SVEP1: variants seen among roughly 807,000 people sequenced by gnomAD.
SVEP1 encodes sushi, von Willebrand factor type A, EGF and pentraxin domain-containing protein 1.
In SVEP1, 164 loss-of-function variants were observed where a neutral mutation model predicts 367.3. That is an observed-to-expected ratio of 0.45 (90% CI 0.39 to 0.51). The LOEUF (loss-of-function observed/expected upper bound fraction) is 0.51, where lower values mean the gene tolerates loss of function less well. Ranked by LOEUF, SVEP1 falls within the 20% of genes least tolerant of loss-of-function variation. SVEP1 has a pLI of 0.00. For synonymous variants in SVEP1, 1,666 were observed against 1,611.6 expected, an observed-to-expected ratio of 1.03 and a Z score of -0.81; for missense variants, 4,117 against 4,425.3, an observed-to-expected ratio of 0.93 and a Z score of 1.98.
rs1828037257 is a variant in SVEP1 at position 110,411,110 on chromosome 9, G to T, written c.6601C>A (p.Pro2201Thr). 1 of 1,609,584 alleles carries T rather than the reference G, an allele frequency of 6.2e-7. No individual in the cohort carries two copies. The highest frequency in any genetic ancestry group is 1.3e-5 in the African/African-American group (1 of 74,816). Residue 2201 changes from proline (P) to threonine (T), a missense_variant, in exon 37 of 48, where the codon CCG becomes ACG. Physicochemically the swap from Pro to Thr is conservative, Grantham distance 38. Around this residue, in one of 4 missense-constraint regions of SVEP1, gnomAD observed 1,765 missense variants for 1,781.1 expected, o/e 0.99. Transcript: ENST00000374469. ...QWSSPIPTCH[P>T]VSCGEPPKVE... ...TTAGGTGGTTCACCACAAGATACCGGGTGGCACGTCGGTATAGGACTACTC... is the reference window on the plus strand; with the variant it reads ...TTAGGTGGTTCACCACAAGATACCGTGTGGCACGTCGGTATAGGACTACTC...
At chr9:110,402,294 G>A (rs1374974155) in intron 39 of SVEP1, among the ~76,000 whole-genome samples, 3 of 151,738 alleles carry the variant, frequency 2.0e-5, no homozygotes, top group Non-Finnish European at 4.4e-5. Context: ...TAAGAGTTTT[G>A]TAACTCTGTG....
chr9:110,569,021 A>T (rs1367544497), intron 1 of SVEP1, among the ~76,000 whole-genome samples: 1 of 152,096 alleles, frequency 6.6e-6, no homozygotes, highest in African/African-American at 2.4e-5. Context: ...ATACCCCAAG[A>T]GGTTGAGGCT....
Position 110,431,979 on chromosome 9 carries a change from G to A in SVEP1, c.5289C>T (p.Asn1763=), listed in dbSNP as rs550195956. Reference sequence around the variant, plus strand: ...ATGAACATATGTAGGATCCATCTACGTTCAGGCAAGAAGCATGCTCACTAC... The same window carrying A: ...ATGAACATATGTAGGATCCATCTACATTCAGGCAAGAAGCATGCTCACTAC... ...SDCSEHASCL[N]VDGSYICSCV... The change falls in exon 32 of 48, where the codon AAC becomes AAT. Residue 1763 remains asparagine, a synonymous_variant. Coordinates refer to ENST00000374469, the MANE Select transcript of SVEP1 (RefSeq NM_153366.4). 183 of 1,613,468 alleles carry A rather than the reference G, an allele frequency of 1.1e-4. No individual in the cohort carries two copies. Among genetic ancestry groups the A allele is most frequent in the South Asian group, 1.4e-4 (13 of 91,008 alleles).
Position 110,532,434 on chromosome 9 carries a change from C to T in SVEP1, c.964+13681G>A, listed in dbSNP as rs540258258. On this transcript the variant is annotated intron_variant, in intron 3 of 47. Coordinates refer to ENST00000374469, the MANE Select transcript of SVEP1 (RefSeq NM_153366.4). ...GAAGGACTAGTAAGAAATGAACGGACACACAAGGCATGAGGGTATTCTAGG... is the reference window on the plus strand; with the variant it reads ...GAAGGACTAGTAAGAAATGAACGGATACACAAGGCATGAGGGTATTCTAGG... Among the ~76,000 whole-genome samples the T allele has an allele frequency of 2.6e-4, 39 of 152,132 alleles. No individual in the cohort carries two copies. In the South Asian group the frequency reaches 7.9e-3, roughly 31 times the overall value.
At chr9:110,546,043 T>C (rs1037532492) in intron 3 of SVEP1, 72 bp downstream of exon 3, 2 of 1,501,314 alleles carry the variant, frequency 1.3e-6, no homozygotes, top group African/African-American at 2.8e-5. Flanking sequence ...ATGTATTCCT[T>C]ATAGCCATTG....
intron 18 of SVEP1, among the ~76,000 whole-genome samples, chr9:110,464,601 T>C (rs1340264452): frequency 6.6e-6 from 1 of 152,134 alleles, no homozygotes; most frequent in Non-Finnish European, 1.5e-5. Flanking sequence ...GCAGTGATAG[T>C]AGGAAGTGTG....
intron 30 of SVEP1, among the ~76,000 whole-genome samples, chr9:110,433,612 C>T (rs1828388046): frequency 6.6e-6 from 1 of 151,796 alleles, no homozygotes; most frequent in African/African-American, 2.4e-5. Flanking sequence ...GCTGGAATTA[C>T]TGGCACACAC....
chr9:110,444,667 C>T (rs1440716970), intron 26 of SVEP1, among the ~76,000 whole-genome samples: 1 of 152,098 alleles, frequency 6.6e-6, no homozygotes, highest in Non-Finnish European at 1.5e-5. Context: ...GAAAAAGAAA[C>T]GATTAGAGAA....
chr9:110,519,487 A>C (rs1829851135), intron 3 of SVEP1, among the ~76,000 whole-genome samples: 1 of 152,094 alleles, frequency 6.6e-6, no homozygotes, highest in Non-Finnish European at 1.5e-5. Flanking sequence ...TCTTCAGACA[A>C]ATTTTGTTGC....
At position 110,424,001 on chromosome 9, in the gene SVEP1, G is replaced by A. The variant is rs367985444; in HGVS notation, c.5975+3590C>T. On this transcript the variant is annotated intron_variant, in intron 36 of 47. Transcript: ENST00000374469. ...AGAATCAACTGTGATAAACACTATTGTAGGCAAAGTTGTGGAGCTAGGGAA... is the reference window on the plus strand; with the variant it reads ...AGAATCAACTGTGATAAACACTATTATAGGCAAAGTTGTGGAGCTAGGGAA... 6.2e-4 allele frequency among the ~76,000 whole-genome samples: 95 copies of A among 152,354 alleles called. 1 individual carries two copies. The highest frequency in any genetic ancestry group is 3.4e-3 in the Middle Eastern group (1 of 294).
At chr9:110,542,592 T>C (rs1830165040) in intron 3 of SVEP1, among the ~76,000 whole-genome samples, 1 of 152,176 alleles carries the variant, frequency 6.6e-6, no homozygotes, top group Non-Finnish European at 1.5e-5. Context: ...TAAAATTTAA[T>C]AACACATAAC....
intron 36 of SVEP1, among the ~76,000 whole-genome samples, chr9:110,425,970 C>T (rs953054470): frequency 2.0e-5 from 3 of 152,066 alleles, no homozygotes; most frequent in African/African-American, 4.8e-5. Flanking sequence ...AGAAAAAGCC[C>T]CAGCAATAGT....
At chr9:110,372,337 C>A (rs1827290742) in intron 46 of SVEP1, among the ~76,000 whole-genome samples, 1 of 152,190 alleles carries the variant, frequency 6.6e-6, no homozygotes, top group South Asian at 2.1e-4. Context: ...CACATCCCTT[C>A]CCCTTTCCTA....
chr9:110,389,577 TCCCTGTTC>T lies in SVEP1; in HGVS notation c.9825_9832del (p.Asn3276ThrfsTer22). ...CTGTCTGTTCTCCTGGCAGACACGT[TCCCTGTTC>T]CCCTGTGAAACAATGGAGAAAGGTC... On this transcript the variant is annotated frameshift_variant and splice_region_variant, in exon 41 of 48. Transcript: ENST00000374469. LOFTEE classifies it high-confidence loss of function. 1 of 1,613,778 alleles carries T rather than the reference TCCCTGTTC, an allele frequency of 6.2e-7. No individual in the cohort carries two copies. The highest frequency in any genetic ancestry group is 8.5e-7 in the Non-Finnish European group (1 of 1,179,776).
intron 1 of SVEP1, among the ~76,000 whole-genome samples, chr9:110,554,215 TTCTC>T (rs952209604): frequency 2.0e-5 from 3 of 152,200 alleles, no homozygotes; most frequent in African/African-American, 4.8e-5. Flanking sequence ...CCACCTTTTT[TTCTC>T]TCTATTAAAA....
chr9:110,365,917 A>C lies in SVEP1; in HGVS notation c.*622T>G, dbSNP rs1392218463. The C allele has an allele frequency of 6.6e-6, 1 of 152,246 alleles. No individual in the cohort carries two copies. The highest frequency in any genetic ancestry group is 1.5e-5 in the Non-Finnish European group (1 of 68,050). The allele number at this position is 152,246 out of a possible 1,614,324, so 9.4% of individuals were successfully genotyped here. ...ACGGCTTTTCAAATGTTGTGAAAAG[A>C]ATTAGCCAGGCTACCCTAAGTACCA... On this transcript the variant is annotated 3_prime_UTR_variant, in exon 48 of 48. Transcript: ENST00000374469.
chr9:110,366,437 C>A lies in SVEP1; in HGVS notation c.*102G>T. 1.6e-6 allele frequency: 2 copies of A among 1,232,588 alleles called. No individual in the cohort carries two copies. Among genetic ancestry groups the A allele is most frequent in the South Asian group, 2.1e-5 (1 of 46,622 alleles). 76.4% of individuals were successfully genotyped at this position (1,232,588 alleles called of 1,614,324 possible). On this transcript the variant is annotated 3_prime_UTR_variant, in exon 48 of 48. Transcript: ENST00000374469. ...AAGTAACAAGTTTACTAAACAAGAC[C>A]CAGCACCATGTTGGACTTTCTTTGC... is the stretch of plus-strand genomic sequence containing the variant.
chr9:110,391,547 T>G (rs1588028456), intron 40 of SVEP1, among the ~76,000 whole-genome samples: 1 of 152,130 alleles, frequency 6.6e-6, no homozygotes, highest in Non-Finnish European at 1.5e-5. Flanking sequence ...GCTGAGGTTA[T>G]AGGCGTGAGC....
Position 110,483,674 on chromosome 9 carries a change from T to A in SVEP1, c.1950A>T (p.Ile650=). The A allele has an allele frequency of 6.2e-7, 1 of 1,602,846 alleles. No individual in the cohort carries two copies. The highest frequency in any genetic ancestry group is 8.5e-7 in the Non-Finnish European group (1 of 1,175,006). ...CGGGAGGTGGAGATCTGCACCAGTC[T>A]ATGACAGGTGGTTCTGCATCTGAAG... The part of the protein sequence containing the change: ...IKVIDAEPPV[I]DWCRSPPPVQ... Residue 650 remains isoleucine (I), a synonymous_variant, in exon 10 of 48, where the codon ATA becomes ATT. Coordinates refer to ENST00000374469, the MANE Select transcript of SVEP1 (RefSeq NM_153366.4).
Sources: gnomAD v4.1 joint callset for allele counts (sites outside exome capture counted in the v4.1 genomes callset) on GRCh38, gnomAD v4.1.1 for gene constraint, gnomAD v4.1.1 regional missense constraint, MANE v1.5 for transcripts, NCBI Gene and HGNC (gene_info 2026-07-23, HGNC 2026-07-21) for gene names.